Variants in C1QB observed in about 807,000 individuals in gnomAD.
C1QB encodes the protein complement C1q subcomponent subunit B.
A neutral mutation model predicts 4.6 loss-of-function variants in C1QB; 2 were observed. The observed-to-expected ratio is 0.43, with a 90% CI of 0.18 to 1.36. The LOEUF is 1.36. Ranked by LOEUF, C1QB falls within the 40% of genes most tolerant of loss-of-function variation. C1QB has a pLI of 0.28. For missense variants in C1QB, 292 were observed against 338.0 expected (o/e 0.86, Z 1.07); for synonymous variants, 132 against 137.1 (o/e 0.96, Z 0.26).
In C1QB at chr1:22,661,308, C is replaced by A. The variant is rs759242130; in HGVS notation, c.678C>A (p.Asp226Glu). Residue 226 changes from aspartate to glutamate, a missense_variant, in exon 3 of 3, where the codon GAC becomes GAA. By Grantham distance (45) the Asp-to-Glu change is conservative. Coordinates refer to ENST00000509305, the MANE Select transcript of C1QB (RefSeq NM_001378156.1). ...AGAACGTCTTCCTGCAGGCCACCGA[C>A]AAGAACTCACTACTGGGCATGGAGG... ...QGENVFLQAT[D>E]KNSLLGMEGA... is the part of the protein sequence containing the mutation. 1.1e-4 allele frequency: 177 copies of A among 1,613,932 alleles called. 1 individual carries two copies. The highest frequency in any genetic ancestry group is 1.5e-4 in the Admixed American group (9 of 60,004).
chr1:22,659,013 G>A (rs1488285469), intron 1 of C1QB, among the ~76,000 whole-genome samples: 1 of 149,148 alleles, frequency 6.7e-6, no homozygotes, highest in Non-Finnish European at 1.5e-5. Flanking sequence ...ATGAATGGAT[G>A]CAGGGATGGA....
At chr1:22,653,778 C>T (rs1642487443) in intron 1 of C1QB, among the ~76,000 whole-genome samples, 1 of 152,204 alleles carries the variant, frequency 6.6e-6, no homozygotes, top group African/African-American at 2.4e-5. Context: ...GTCGCTCCTG[C>T]CCGGCCCAGC....
Position 22,661,016 on chromosome 1 carries a change from A to T in C1QB, c.386A>T (p.Asn129Ile), listed in dbSNP as rs1242688620. 2 of 1,613,886 alleles carry T rather than the reference A, an allele frequency of 1.2e-6. No homozygotes were observed. Among genetic ancestry groups the T allele is most frequent in the South Asian group, 2.2e-5 (2 of 91,050 alleles). ...GCCTTCTCTGCCACAAGAACCATCA[A>T]CGTCCCCCTGCGCCGGGACCAGACC... ...KIAFSATRTINVPLRRDQTIR... is the reference protein window; with the variant it reads ...KIAFSATRTIIVPLRRDQTIR... The change falls in exon 3 of 3, where the codon AAC becomes ATC. Residue 129 changes from asparagine (N) to isoleucine (I), a missense_variant. Transcript: ENST00000509305.
chr1:22,661,420 C>T lies in C1QB; in HGVS notation c.*34C>T. The T allele has an allele frequency of 1.9e-6, 3 of 1,612,496 alleles. No homozygotes were observed. The highest frequency in any genetic ancestry group is 2.5e-6 in the Non-Finnish European group (3 of 1,179,208). ...CTGCTTCACATCCACCCCGGCTCCC[C>T]CTGCCAGCAACGCTCACTCTACCCC... On this transcript the variant is annotated 3_prime_UTR_variant, in exon 3 of 3. Coordinates refer to ENST00000509305, the MANE Select transcript of C1QB (RefSeq NM_001378156.1).
rs58091767 is a variant in C1QB at position 22,656,639 on chromosome 1, G to A, written c.-23-2801G>A. 8.7e-3 allele frequency among the ~76,000 whole-genome samples: 1,318 copies of A among 152,262 alleles called. 24 individuals carry two copies. The highest frequency in any genetic ancestry group is 0.03 in the African/African-American group (1,260 of 41,524). On this transcript the variant is annotated intron_variant, in intron 1 of 2. Transcript: ENST00000509305. ...ACACAGAAGACTTCTGTGACCAAAT[G>A]TGGGGGGTTTCTCCCCACACACCAA...
At chr1:22,658,892 GGGATGGAT>G (rs1196439053) in intron 1 of C1QB, among the ~76,000 whole-genome samples, 2 of 138,830 alleles carry the variant, frequency 1.4e-5, no homozygotes, top group South Asian at 2.4e-4. Context: ...GCAGGATGGA[GGGATGGAT>G]GGATGGATGG....
chr1:22,661,232 A>G lies in C1QB; in HGVS notation c.602A>G (p.Asn201Ser), dbSNP rs887541243. 1 of 1,613,270 alleles carries G rather than the reference A, an allele frequency of 6.2e-7. No homozygotes were observed. The highest frequency in any genetic ancestry group is 1.1e-5 in the South Asian group (1 of 91,056). The stretch of plus-strand genomic sequence containing the variant: ...GTCACCTTCTGTGACTATGCCTACA[A>G]CACCTTCCAGGTCACCACCGGTGGC... ...KVVTFCDYAY[N>S]TFQVTTGGMV... Residue 201 changes from asparagine (N) to serine (S), a missense_variant, in exon 3 of 3, where the codon AAC becomes AGC. Transcript: ENST00000509305.
chr1:22,653,575 A>G (rs1251734576), intron 1 of C1QB, among the ~76,000 whole-genome samples: 1 of 152,292 alleles, frequency 6.6e-6, no homozygotes, highest in Non-Finnish European at 1.5e-5. Context: ...ACTTGAGCTG[A>G]GTCTGGCTCT....
At position 22,661,484 on chromosome 1, in the gene C1QB, C is replaced by A; in HGVS notation, c.*98C>A. The A allele has an allele frequency of 1.4e-6, 2 of 1,384,290 alleles. No homozygotes were observed. Among genetic ancestry groups the A allele is most frequent in the Non-Finnish European group, 1.0e-6 (1 of 979,476 alleles). The allele number at this position is 1,384,290 out of a possible 1,614,324, so 85.8% of individuals were successfully genotyped here. A position where few individuals can be genotyped will look rare whatever the true frequency, so the allele number is the denominator to read the frequency against. ...TGCCCAACCAATGCACACAGTAGGG[C>A]TTGGTGAATGCTGCTGAGTGAATGA... On this transcript the variant is annotated 3_prime_UTR_variant, in exon 3 of 3. Transcript: ENST00000509305.
intron 2 of C1QB, 117 bp downstream of exon 2, chr1:22,659,760 G>A: frequency 5.7e-6 from 7 of 1,238,176 alleles, no homozygotes; most frequent in Non-Finnish European, 6.9e-6. Context: ...CCAGCAGCTT[G>A]CTGAACCCTT....
chr1:22,661,520 T>A lies in C1QB; in HGVS notation c.*134T>A. On this transcript the variant is annotated 3_prime_UTR_variant, in exon 3 of 3. Transcript: ENST00000509305. ...CTGCTGAGTGAATGAGTAAATAAACTCTTCAAGGCCAAGGGACAGTGGTCT... is the reference window on the plus strand; with the variant it reads ...CTGCTGAGTGAATGAGTAAATAAACACTTCAAGGCCAAGGGACAGTGGTCT... 2 of 1,024,136 alleles carry A rather than the reference T, an allele frequency of 2.0e-6. No homozygotes were observed. Among genetic ancestry groups the A allele is most frequent in the Non-Finnish European group, 3.0e-6 (2 of 676,214 alleles). The allele number at this position is 1,024,136 out of a possible 1,614,324, so 63.4% of individuals were successfully genotyped here.
chr1:22,660,669 G>C, intron 2 of C1QB, 143 bp from the exon 3 acceptor site: 1 of 805,088 alleles, frequency 1.2e-6, no homozygotes. Context: ...GGGAGACCCA[G>C]AGCCCCTGCC....
intron 1 of C1QB, 57 bp from the exon 2 acceptor site, chr1:22,659,380 ATGG>A: frequency 2.1e-6 from 3 of 1,433,092 alleles, no homozygotes; most frequent in East Asian, 2.3e-5. Context: ...GGATGGATGG[ATGG>A]ATGGATGGAT....
rs1303024067 is a variant in C1QB, at chr1:22,661,188, G to A, written c.558G>A (p.Arg186=). The change falls in exon 3 of 3, where the codon CGG becomes CGA. Residue 186 remains arginine (R), a synonymous_variant. Coordinates refer to ENST00000509305, the MANE Select transcript of C1QB (RefSeq NM_001378156.1). ...GNLCVNLMRG[R]ERAQKVVTFC... is the part of the protein sequence containing the mutation. ...TGTGCGTGAACCTCATGCGTGGCCGGGAGCGTGCACAGAAGGTGGTCACCT... is the reference window on the plus strand; with the variant it reads ...TGTGCGTGAACCTCATGCGTGGCCGAGAGCGTGCACAGAAGGTGGTCACCT... The A allele has an allele frequency of 1.2e-6, 2 of 1,613,962 alleles. No homozygotes were observed. The highest frequency in any genetic ancestry group is 2.7e-5 in the African/African-American group (2 of 74,890).
In C1QB at chr1:22,660,048, G is replaced by A. The variant is rs538005769; in HGVS notation, c.181+405G>A. Reference sequence around the variant, plus strand: ...TGGTACTTTTTTGGGGTTGTCATGGGGTTCAAATGAGACTCCCAGCCTTGA... The same window carrying A: ...TGGTACTTTTTTGGGGTTGTCATGGAGTTCAAATGAGACTCCCAGCCTTGA... On this transcript the variant is annotated intron_variant, in intron 2 of 2. Coordinates refer to ENST00000509305, the MANE Select transcript of C1QB (RefSeq NM_001378156.1). Among the ~76,000 whole-genome samples, 15 of 152,226 alleles carry A rather than the reference G, an allele frequency of 9.9e-5. No individual in the cohort carries two copies. The South Asian group carries it at 3.1e-3, about 32-fold the overall frequency.
At chr1:22,658,074 G>A (rs956775592) in intron 1 of C1QB, among the ~76,000 whole-genome samples, 4 of 152,188 alleles carry the variant, frequency 2.6e-5, no homozygotes, top group African/African-American at 9.7e-5. Flanking sequence ...AGTAGATGCA[G>A]GGATGCTCTA....
At chr1:22,659,726 G>A in intron 2 of C1QB, 83 bp downstream of exon 2, 1 of 1,497,940 alleles carries the variant, frequency 6.7e-7, no homozygotes. Context: ...GCCTACCTTT[G>A]AGACTGCAAA....
rs1308317136 is a variant in C1QB at position 22,659,268 on chromosome 1, A to T, written c.-23-172A>T. 9.9e-5 allele frequency among the ~76,000 whole-genome samples: 14 copies of T among 141,806 alleles called. No homozygotes were observed. In the East Asian group the frequency reaches 2.1e-3, roughly 22 times the overall value. The allele number at this position is 141,806 out of a possible 152,430, so 93.0% of individuals were successfully genotyped here. A position where few individuals can be genotyped will look rare whatever the true frequency, so the allele number is the denominator to read the frequency against. On this transcript the variant is annotated intron_variant, in intron 1 of 2. Transcript: ENST00000509305. ...GATAGAGAGATGGATGGATGGATGG[A>T]CGGATGCAGATGGAGGGATAGAGAG... is the stretch of plus-strand genomic sequence containing the variant.
In C1QB at chr1:22,661,414, G is replaced by A; in HGVS notation, c.*28G>A. The A allele has an allele frequency of 6.2e-7, 1 of 1,612,594 alleles. No individual in the cohort carries two copies. The highest frequency in any genetic ancestry group is 8.5e-7 in the Non-Finnish European group (1 of 1,179,456). ...TGTGGGCTGCTTCACATCCACCCCG[G>A]CTCCCCCTGCCAGCAACGCTCACTC... On this transcript the variant is annotated 3_prime_UTR_variant, in exon 3 of 3. Coordinates refer to ENST00000509305, the MANE Select transcript of C1QB (RefSeq NM_001378156.1).
Sources: allele counts gnomAD v4.1 joint callset (sites outside exome capture counted in the v4.1 genomes callset), GRCh38; gene constraint gnomAD v4.1.1; transcripts MANE v1.5; gene names NCBI Gene and HGNC (gene_info 2026-07-23, HGNC 2026-07-21).